KIDINS220: variants seen among roughly 807,000 people sequenced by gnomAD.
The protein encoded by KIDINS220 is kinase D interacting substrate 220.
Under a neutral mutation model 157.6 loss-of-function variants are expected in KIDINS220, and 63 were observed. The observed-to-expected ratio is 0.40, with a 90% CI of 0.33 to 0.49. The LOEUF (loss-of-function observed/expected upper bound fraction) is 0.49, where lower values mean the gene tolerates loss of function less well. Among genes scored for constraint, KIDINS220 ranks in the 20% least tolerant of loss-of-function variants. KIDINS220 has a pLI of 0.66. For missense variants in KIDINS220, 1,772 were observed against 2,171.2 expected (o/e 0.82, Z 3.65); for synonymous variants, 732 against 783.6 (o/e 0.93, Z 1.10).
intron 5 of KIDINS220, among the ~76,000 whole-genome samples, 189 bp downstream of exon 5, chr2:8,813,048 C>A (rs1012299227): frequency 6.6e-6 from 1 of 152,020 alleles, no homozygotes; most frequent in Admixed American, 6.6e-5. Flanking sequence ...TTTTTGCTGA[C>A]AACAATTGAG....
At chr2:8,832,004 T>C (rs1177183673) in intron 1 of KIDINS220, among the ~76,000 whole-genome samples, 1 of 152,240 alleles carries the variant, frequency 6.6e-6, no homozygotes, top group Non-Finnish European at 1.5e-5. Flanking sequence ...GCTTTAGCCT[T>C]ACTCCATACC....
At chr2:8,737,045 C>A in intron 26 of KIDINS220, 46 bp from the exon 27 acceptor site, 1 of 1,594,436 alleles carries the variant, frequency 6.3e-7, no homozygotes, top group Non-Finnish European at 8.6e-7. Context: ...GCATTTAATG[C>A]CATCTATAAT....
In KIDINS220 at chr2:8,785,993, A is replaced by C; in HGVS notation, c.1977T>G (p.Ser659=). Residue 659 remains serine (S), a synonymous_variant, in exon 17 of 30, where the codon TCT becomes TCG. Coordinates refer to ENST00000256707, the MANE Select transcript of KIDINS220 (RefSeq NM_020738.4). ...KKWKKTCCLP[S]FVIFLFIIGC... ...CAATGATAAAAAGGAAGATGACAAAAGATGGGAGACAACATGTTTTTTTCC... is the reference window on the plus strand; with the variant it reads ...CAATGATAAAAAGGAAGATGACAAACGATGGGAGACAACATGTTTTTTTCC... 1 of 1,611,190 alleles carries C rather than the reference A, an allele frequency of 6.2e-7. No homozygotes were observed. Among genetic ancestry groups the C allele is most frequent in the Non-Finnish European group, 8.5e-7 (1 of 1,179,136 alleles).
rs755494370 is a variant in KIDINS220, at chr2:8,750,334, A to T, written c.3192T>A (p.Asp1064Glu). Residue 1064 changes from aspartate to glutamate, a missense_variant and splice_region_variant, in exon 24 of 30, where the codon GAT (aspartate) becomes GAA (glutamate). Physicochemically the swap from Asp to Glu is conservative, Grantham distance 45 (BLOSUM62 2). Coordinates refer to ENST00000256707, the MANE Select transcript of KIDINS220 (RefSeq NM_020738.4). ...LDPKLREIIA[D>E]VRAAREQISI... ...TGATCTGCTCTCTGGCAGCACGAAC[A>T]TCTGAAAGATTCAATCAGACCCCAG... 6.5e-7 allele frequency: 1 copy of T among 1,546,480 alleles called. No homozygotes were observed.
At chr2:8,824,813 A>G (rs1678505100) in intron 2 of KIDINS220, among the ~76,000 whole-genome samples, 1 of 152,230 alleles carries the variant, frequency 6.6e-6, no homozygotes, top group Non-Finnish European at 1.5e-5. Context: ...AAAATGTGCT[A>G]CGTACATACA....
At position 8,729,778 on chromosome 2, in the gene KIDINS220, A is replaced by G. The variant is rs1663774831; in HGVS notation, c.*942T>C. ...TTAAATATTTCCTTGTCATTTATCA[A>G]TTGTCACTGACCTTTTTGATGTAAT... is the stretch of plus-strand genomic sequence containing the variant. On this transcript the variant is annotated 3_prime_UTR_variant, in exon 30 of 30. Coordinates refer to ENST00000256707, the MANE Select transcript of KIDINS220 (RefSeq NM_020738.4). The G allele has an allele frequency of 1.0e-6, 1 of 982,508 alleles. No homozygotes were observed. The highest frequency in any genetic ancestry group is 1.7e-5 in the African/African-American group (1 of 57,150). 60.9% of individuals were successfully genotyped at this position (982,508 alleles called of 1,614,324 possible). A position where few individuals can be genotyped will look rare whatever the true frequency, so the allele number is the denominator to read the frequency against.
At chr2:8,757,475 G>A (rs1055270990) in intron 22 of KIDINS220, 32 of 1,375,556 alleles carry the variant, frequency 2.3e-5, no homozygotes, top group Admixed American at 9.2e-5. Flanking sequence ...GATATGTGAG[G>A]CCGTCTTCAT....
intron 6 of KIDINS220, among the ~76,000 whole-genome samples, chr2:8,808,740 A>G (rs1385727721): frequency 2.6e-5 from 4 of 152,182 alleles, no homozygotes; most frequent in African/African-American, 9.7e-5. Context: ...CTCCTGCCAC[A>G]TCATCAGTCT....
intron 22 of KIDINS220, among the ~76,000 whole-genome samples, chr2:8,764,727 A>T (rs1669233735): frequency 6.6e-6 from 1 of 152,200 alleles, no homozygotes; most frequent in African/African-American, 2.4e-5. Flanking sequence ...AGATAAAGTG[A>T]GGCTTCTCAT....
chr2:8,796,859 G>A lies in KIDINS220; in HGVS notation c.1010C>T (p.Thr337Met), dbSNP rs1235290745. 2.5e-6 allele frequency: 4 copies of A among 1,613,654 alleles called. No homozygotes were observed. Among genetic ancestry groups the A allele is most frequent in the African/African-American group, 1.3e-5 (1 of 74,998 alleles). ...CATCTTGGTAGCCTTTATAAGTGGC[G>A]TTTCACCATCCTGTGGGCACAAATA... Reference protein sequence around the residue: ...DTEICTKDGETPLIKATKMRN... With the variant: ...DTEICTKDGEMPLIKATKMRN... Residue 337 changes from threonine (T) to methionine (M), a missense_variant, in exon 11 of 30, where the codon ACG (threonine) becomes ATG (methionine). By Grantham distance (81) the Thr-to-Met change is moderately conservative. This residue lies in a region of KIDINS220 where 725 missense variants were observed against 1,017.1 expected (regional missense o/e 0.71). Transcript: ENST00000256707.
chr2:8,812,551 A>G (rs1676474683), intron 5 of KIDINS220, 58 bp from the exon 6 acceptor site: 1 of 959,144 alleles, frequency 1.0e-6, no homozygotes, highest in Non-Finnish European at 1.5e-6. Flanking sequence ...GGAAAGAAAG[A>G]AAGGAAGGAG....
At chr2:8,760,069 A>C (rs1668555234) in intron 22 of KIDINS220, among the ~76,000 whole-genome samples, 1 of 152,248 alleles carries the variant, frequency 6.6e-6, no homozygotes, top group African/African-American at 2.4e-5. Flanking sequence ...ACATGGCTCA[A>C]AATCCCTCAG....
At position 8,826,970 on chromosome 2, in the gene KIDINS220, G is replaced by C; in HGVS notation, c.108+16C>G. 1 of 1,439,228 alleles carries C rather than the reference G, an allele frequency of 6.9e-7. No individual in the cohort carries two copies. The highest frequency in any genetic ancestry group is 9.7e-7 in the Non-Finnish European group (1 of 1,026,342). The allele number at this position is 1,439,228 out of a possible 1,614,324, so 89.2% of individuals were successfully genotyped here. A position where few individuals can be genotyped will look rare whatever the true frequency, so the allele number is the denominator to read the frequency against. On this transcript the variant is annotated intron_variant, in intron 2 of 29. Transcript: ENST00000256707. ...AATATTTGTGAAAGAATGTAATTTT[G>C]CAAACTTGGTCTTACCTCATTTCTC...
intron 22 of KIDINS220, among the ~76,000 whole-genome samples, chr2:8,763,726 A>G (rs986898573): frequency 7.9e-5 from 12 of 152,248 alleles, no homozygotes; most frequent in African/African-American, 2.9e-4. Flanking sequence ...GAAGAAACTG[A>G]GTCTCTAAGA....
chr2:8,750,423 G>T (rs1667192604), intron 23 of KIDINS220, 88 bp from the exon 24 acceptor site: 2 of 840,850 alleles, frequency 2.4e-6, no homozygotes, highest in Non-Finnish European at 3.3e-6. Flanking sequence ...TAGTTACTAG[G>T]CAGAAACATG....
At chr2:8,790,849 A>G (rs985750672) in intron 13 of KIDINS220, among the ~76,000 whole-genome samples, 1 of 152,184 alleles carries the variant, frequency 6.6e-6, no homozygotes, top group Non-Finnish European at 1.5e-5. Context: ...CTTGCCAGCA[A>G]GGGTTTTATG....
intron 2 of KIDINS220, among the ~76,000 whole-genome samples, chr2:8,821,431 C>T (rs911258872): frequency 1.3e-5 from 2 of 151,950 alleles, no homozygotes; most frequent in East Asian, 1.9e-4. Flanking sequence ...CCCAGGAAAG[C>T]GCTGTACTAA....
chr2:8,732,934 G>A (rs981047317), intron 29 of KIDINS220, among the ~76,000 whole-genome samples: 1 of 151,984 alleles, frequency 6.6e-6, no homozygotes, highest in African/African-American at 2.4e-5. Context: ...CCCCTCACCT[G>A]GCCTCCTTCT....
At chr2:8,824,833 T>C (rs1678509365) in intron 2 of KIDINS220, among the ~76,000 whole-genome samples, 1 of 152,196 alleles carries the variant, frequency 6.6e-6, no homozygotes, top group South Asian at 2.1e-4. Context: ...AATGAAATAT[T>C]ATTCAGCCTT....
Sources: gnomAD v4.1 joint callset for allele counts (sites outside exome capture counted in the v4.1 genomes callset) on GRCh38, gnomAD v4.1.1 for gene constraint, gnomAD v4.1.1 regional missense constraint, MANE v1.5 for transcripts, NCBI Gene and HGNC (gene_info 2026-07-23, HGNC 2026-07-21) for gene names.